The following WDR62 variants were observed in gnomAD, a reference collection of about 807,000 sequenced individuals.
WDR62 encodes the protein WD repeat domain 62, also known as WD repeat-containing protein 62.
WDR62 carries 112 observed loss-of-function variants against 160.6 expected under a neutral mutation model. That is an observed-to-expected ratio of 0.70 (90% CI 0.60 to 0.82). The LOEUF (loss-of-function observed/expected upper bound fraction) is 0.82, where lower values mean the gene tolerates loss of function less well. Among genes scored for constraint, WDR62 ranks in the 40% least tolerant of loss-of-function variants. The pLI, the probability that WDR62 is intolerant of heterozygous loss-of-function variation, is 0.00. For missense variants in WDR62, 1,819 were observed against 1,983.8 expected, an observed-to-expected ratio of 0.92 and a Z score of 1.58; for synonymous variants, 792 against 815.1, an observed-to-expected ratio of 0.97 and a Z score of 0.48.
Position 36,103,979 on chromosome 19 carries a change from C to T in WDR62, c.4151C>T (p.Ser1384Phe), listed in dbSNP as rs765600273. The T allele has an allele frequency of 5.0e-6, 8 of 1,597,696 alleles. No homozygotes were observed. The highest frequency in any genetic ancestry group is 5.9e-6 in the Non-Finnish European group (7 of 1,179,826). Residue 1384 changes from serine to phenylalanine, a missense_variant and splice_region_variant, in exon 30 of 32, where the codon TCC (serine) becomes TTC (phenylalanine). This residue lies in a region of WDR62 where 770 missense variants were observed against 734.2 expected (regional missense o/e 1.05). Transcript: ENST00000401500. ...GGTASLLEPT[S>F]GALGLLQGSP... ...ACTGCCTCCCTCCTGGAGCCCACCT[C>T]CGGTGAGTACAGCCCTGGAGCAAGG... is the stretch of plus-strand genomic sequence containing the variant.
chr19:36,073,400 G>T lies in WDR62; in HGVS notation c.1102G>T (p.Asp368Tyr), dbSNP rs376260681. The T allele has an allele frequency of 6.2e-7, 1 of 1,614,072 alleles. No individual in the cohort carries two copies. The highest frequency in any genetic ancestry group is 8.5e-7 in the Non-Finnish European group (1 of 1,180,024). ...CCCAGATACAGTGGCACTGACCTTCGACCCCATCCACCAGTGGCTGTCCTG... is the reference window on the plus strand; with the variant it reads ...CCCAGATACAGTGGCACTGACCTTCTACCCCATCCACCAGTGGCTGTCCTG... ...VYPDTVALTF[D>Y]PIHQWLSCVY... The change falls in exon 9 of 32, where the codon GAC becomes TAC. Residue 368 changes from aspartate (D) to tyrosine (Y), a missense_variant. This residue lies in a region of WDR62 where 934 missense variants were observed against 1,157.2 expected (regional missense o/e 0.81). Coordinates refer to ENST00000401500, the MANE Select transcript of WDR62 (RefSeq NM_001083961.2).
At chr19:36,082,983 A>C in intron 10 of WDR62, 80 bp from the exon 11 acceptor site, 7 of 1,285,612 alleles carry the variant, frequency 5.4e-6, no homozygotes, top group Non-Finnish European at 6.6e-6. Flanking sequence ...CTAACGAAGA[A>C]GAGACTGGCT....
chr19:36,058,425 C>T (rs966684173), intron 1 of WDR62, among the ~76,000 whole-genome samples: 1 of 152,240 alleles, frequency 6.6e-6, no homozygotes, highest in Non-Finnish European at 1.5e-5. Context: ...CCCCCTTCCC[C>T]TGTGCTCCTA....
At position 36,104,852 on chromosome 19, in the gene WDR62, C is replaced by G; in HGVS notation, c.4396C>G (p.Leu1466Val). 1 of 1,613,378 alleles carries G rather than the reference C, an allele frequency of 6.2e-7. No individual in the cohort carries two copies. The change falls in exon 32 of 32, where the codon CTG becomes GTG. Residue 1466 changes from leucine (L) to valine (V), a missense_variant. Around this residue, in one of 3 missense-constraint regions of WDR62, gnomAD observed 770 missense variants for 734.2 expected, o/e 1.05. Coordinates refer to ENST00000401500, the MANE Select transcript of WDR62 (RefSeq NM_001083961.2). ...CACCTTCCTGTGGATCCACAGCCAG[C>G]TGGAGGCTGAATGCCTGGTGGGGAC... ...VSTFLWIHSQ[L>V]EAECLVGTSV...
intron 3 of WDR62, 89 bp downstream of exon 3, chr19:36,060,119 T>TA: frequency 1.5e-6 from 2 of 1,332,506 alleles, no homozygotes; most frequent in Middle Eastern, 2.0e-4. Context: ...TACTCATGGG[T>TA]AGGTGCTCAC....
intron 10 of WDR62, among the ~76,000 whole-genome samples, chr19:36,082,340 G>GAC (rs1971947996): frequency 1.3e-5 from 2 of 152,238 alleles, no homozygotes; most frequent in Admixed American, 6.5e-5. Flanking sequence ...CCGCGGAAGG[G>GAC]ACAGCTAAGT....
Position 36,059,954 on chromosome 19 carries a change from CTCTT to C in WDR62, c.270-9_270-6del. Reference sequence around the variant, plus strand: ...CTCCCCACAGTTGAGGCACATTTTCCTCTTTCTTCCCAGCTGTGTGGTGGTGATT... The same window carrying C: ...CTCCCCACAGTTGAGGCACATTTTCCTCTTCCCAGCTGTGTGGTGGTGATT... On this transcript the variant is annotated splice_polypyrimidine_tract_variant and intron_variant, in intron 2 of 31. Transcript: ENST00000401500. 9 of 1,614,142 alleles carry C rather than the reference CTCTT, an allele frequency of 5.6e-6. No individual in the cohort carries two copies. Among genetic ancestry groups the C allele is most frequent in the Non-Finnish European group, 7.6e-6 (9 of 1,180,018 alleles).
chr19:36,060,571 C>T (rs1426853735), intron 3 of WDR62: 2 of 169,308 alleles, frequency 1.2e-5, no homozygotes, highest in Non-Finnish European at 1.3e-5. Context: ...GCAGAAGCCA[C>T]ATCCCGTAGG....
intron 12 of WDR62, among the ~76,000 whole-genome samples, chr19:36,085,564 C>A (rs1051054251): frequency 6.6e-6 from 1 of 151,762 alleles, no homozygotes; most frequent in Non-Finnish European, 1.5e-5. Flanking sequence ...CTCAGCCTCT[C>A]GAGAGTAGCT....
chr19:36,086,730 T>C lies in WDR62; in HGVS notation c.1686T>C (p.His562=). 1.2e-6 allele frequency: 2 copies of C among 1,605,992 alleles called. No homozygotes were observed. Among genetic ancestry groups the C allele is most frequent in the Non-Finnish European group, 1.7e-6 (2 of 1,175,824 alleles). ...LASASRDRLI[H]VLNVEKNYNL... ...CAGCCAGTCGGGACCGGCTGATCCA[T>C]GTGCTGAACGTGGAGAAGAACTACA... Residue 562 remains histidine (H), a synonymous_variant, in exon 13 of 32, where the codon CAT becomes CAC. Transcript: ENST00000401500.
In WDR62 at chr19:36,103,857, C is replaced by T; in HGVS notation, c.4029C>T (p.Ala1343=). Reference sequence around the variant, plus strand: ...GCGCCCTGAGGCTCCACGGCTCTGCCTTTCGCCCAAGTCTCCCAGCTCCTG... The same window carrying T: ...GCGCCCTGAGGCTCCACGGCTCTGCTTTTCGCCCAAGTCTCCCAGCTCCTG... ...EESALRLHGS[A]FRPSLPAPES... is the part of the protein sequence containing the mutation. The change falls in exon 30 of 32, where the codon GCC becomes GCT. Residue 1343 remains alanine, a synonymous_variant. Transcript: ENST00000401500. The T allele has an allele frequency of 6.2e-7, 1 of 1,603,454 alleles. No homozygotes were observed. Among genetic ancestry groups the T allele is most frequent in the Non-Finnish European group, 8.5e-7 (1 of 1,179,864 alleles).
chr19:36,078,733 G>A (rs1971721785), intron 9 of WDR62, among the ~76,000 whole-genome samples: 1 of 151,110 alleles, frequency 6.6e-6, no homozygotes. Context: ...CTACTTGGGG[G>A]GCTGAGGCAG....
At chr19:36,104,738 G>A (rs1345968495) in intron 31 of WDR62, 30 bp from the exon 32 acceptor site, 6 of 1,613,826 alleles carry the variant, frequency 3.7e-6, no homozygotes, top group South Asian at 1.1e-5. Context: ...CGGCCTTGGT[G>A]GCCCCTGACA....
In WDR62 at chr19:36,092,768, C is replaced by A; in HGVS notation, c.2290C>A (p.Gln764Lys). 12 of 1,614,130 alleles carry A rather than the reference C, an allele frequency of 7.4e-6. No homozygotes were observed. The highest frequency in any genetic ancestry group is 9.3e-6 in the Non-Finnish European group (11 of 1,179,986). The change falls in exon 19 of 32, where the codon CAG (glutamine) becomes AAG (lysine). Residue 764 changes from glutamine (Q) to lysine (K), a missense_variant. Gln to Lys is a moderately conservative substitution (Grantham distance 53, BLOSUM62 1). Coordinates refer to ENST00000401500, the MANE Select transcript of WDR62 (RefSeq NM_001083961.2). ...QHLLEIDHRQ[Q>K]QQHTNDKKRS... ...CTTGCTGGAGATTGACCACCGGCAGCAGCAGCAGCACACAAATGACAAGAA... is the reference window on the plus strand; with the variant it reads ...CTTGCTGGAGATTGACCACCGGCAGAAGCAGCAGCACACAAATGACAAGAA...
chr19:36,100,830 T>G lies in WDR62; in HGVS notation c.2822T>G (p.Ile941Ser). The G allele has an allele frequency of 6.2e-7, 1 of 1,614,190 alleles. No homozygotes were observed. Among genetic ancestry groups the G allele is most frequent in the African/African-American group, 1.3e-5 (1 of 75,050 alleles). Residue 941 changes from isoleucine (I) to serine (S), a missense_variant, in exon 23 of 32, where the codon ATC (isoleucine) becomes AGC (serine). Physicochemically the swap from Ile to Ser is moderately radical, Grantham distance 142. This residue lies in a region of WDR62 where 934 missense variants were observed against 1,157.2 expected (regional missense o/e 0.81). Coordinates refer to ENST00000401500, the MANE Select transcript of WDR62 (RefSeq NM_001083961.2). The part of the protein sequence containing the change: ...QKESSEASEL[I>S]LYSLEAEVTV... ...GAATCATCTGAGGCCAGTGAGCTCATCCTCTACTCTCTGGAGGCAGAAGTG... is the reference window on the plus strand; with the variant it reads ...GAATCATCTGAGGCCAGTGAGCTCAGCCTCTACTCTCTGGAGGCAGAAGTG...
intron 20 of WDR62, among the ~76,000 whole-genome samples, chr19:36,095,510 G>C (rs1366675633): frequency 6.6e-6 from 1 of 152,206 alleles, no homozygotes; most frequent in Non-Finnish European, 1.5e-5. Flanking sequence ...AGATGTGTTT[G>C]AGGCCGGGTG....
At position 36,083,188 on chromosome 19, in the gene WDR62, G is replaced by A; in HGVS notation, c.1497G>A (p.Gln499=). The part of the protein sequence containing the change: ...MDVKAGVRVM[Q]VSPDGQHLAS... ...TGAAAGCCGGGGTGCGGGTCATGCA[G>A]GTCAGTCCTGACGGCCAGCATTTGG... Residue 499 remains glutamine (Q), a synonymous_variant, in exon 11 of 32, where the codon CAG becomes CAA. Transcript: ENST00000401500. The A allele has an allele frequency of 6.2e-7, 1 of 1,611,386 alleles. No individual in the cohort carries two copies.
At chr19:36,099,085 G>A (rs1259721096) in intron 21 of WDR62, among the ~76,000 whole-genome samples, 3 of 152,048 alleles carry the variant, frequency 2.0e-5, no homozygotes, top group Non-Finnish European at 4.4e-5. Flanking sequence ...AGCCAGGTGT[G>A]GTGGTGGGCA....
chr19:36,100,277 A>G (rs1424717364), intron 22 of WDR62, among the ~76,000 whole-genome samples: 1 of 152,174 alleles, frequency 6.6e-6, no homozygotes, highest in African/African-American at 2.4e-5. Context: ...ATCCTATCCT[A>G]TAATTTGTCA....
Sources: allele counts gnomAD v4.1 joint callset (sites outside exome capture counted in the v4.1 genomes callset), GRCh38; gene constraint gnomAD v4.1.1; regional missense constraint gnomAD v4.1.1; transcripts MANE v1.5; gene names NCBI Gene and HGNC (gene_info 2026-07-23, HGNC 2026-07-21).